The following SLC38A11 variants were observed in gnomAD, a reference collection of about 807,000 sequenced individuals.
SLC38A11 encodes the protein solute carrier family 38 member 11.
In SLC38A11, 51 loss-of-function variants were observed where a neutral mutation model predicts 49.4. That is an observed-to-expected ratio of 1.03 (90% CI 0.83 to 1.30). The LOEUF is 1.30. Among genes scored for constraint, SLC38A11 ranks in the 50% most tolerant of loss-of-function variants. The pLI, the probability that SLC38A11 is intolerant of heterozygous loss-of-function variation, is 0.00. For synonymous variants in SLC38A11, 203 were observed against 192.9 expected, an observed-to-expected ratio of 1.05 and a Z score of -0.43; for missense variants, 574 against 556.2, an observed-to-expected ratio of 1.03 and a Z score of -0.32.
chr2:164,903,868 A>G (rs999355577), intron 11 of SLC38A11, among the ~76,000 whole-genome samples: 3 of 152,190 alleles, frequency 2.0e-5, no homozygotes, highest in Admixed American at 6.6e-5. Context: ...GTACAGATTG[A>G]AAAAGTGCCT....
At chr2:164,922,319 T>C (rs1686260212) in intron 7 of SLC38A11, 1 of 152,136 alleles carries the variant, frequency 6.6e-6, no homozygotes, top group South Asian at 2.1e-4. Flanking sequence ...GTCAGACACA[T>C]CCGGGAGTTG....
intron 3 of SLC38A11, among the ~76,000 whole-genome samples, chr2:164,952,122 G>A (rs933271584): frequency 3.9e-5 from 6 of 152,152 alleles, no homozygotes; most frequent in Admixed American, 3.9e-4. Flanking sequence ...CATTTAAATG[G>A]GAGAGTGACA....
chr2:164,920,881 G>A (rs1686149097), intron 7 of SLC38A11, among the ~76,000 whole-genome samples: 1 of 152,132 alleles, frequency 6.6e-6, no homozygotes, highest in African/African-American at 2.4e-5. Context: ...TGGGATGGAT[G>A]TGTTCAGGAA....
chr2:164,947,314 C>G (rs1163030165), intron 3 of SLC38A11, among the ~76,000 whole-genome samples: 2 of 151,406 alleles, frequency 1.3e-5, no homozygotes, highest in African/African-American at 2.4e-5. Flanking sequence ...GTATTTTTAG[C>G]AGAGACGGGG....
At chr2:164,924,997 C>T (rs1432907102) in intron 7 of SLC38A11, among the ~76,000 whole-genome samples, 1 of 152,134 alleles carries the variant, frequency 6.6e-6, no homozygotes, top group Non-Finnish European at 1.5e-5. Flanking sequence ...CTGCCCGCCT[C>T]AGCCTCCCAA....
intron 11 of SLC38A11, among the ~76,000 whole-genome samples, chr2:164,903,937 A>C (rs1017896651): frequency 2.6e-5 from 4 of 152,184 alleles, no homozygotes; most frequent in Admixed American, 6.6e-5. Context: ...GAAACTAAAT[A>C]AAATAATGCT....
intron 10 of SLC38A11, 69 bp downstream of exon 10, chr2:164,911,567 T>C (rs1432707986): frequency 2.7e-6 from 2 of 739,392 alleles, no homozygotes; most frequent in Non-Finnish European, 4.2e-6. Context: ...GTATTATTTA[T>C]AAATCTTCCT....
chr2:164,925,443 C>T (rs1686504079), intron 7 of SLC38A11, among the ~76,000 whole-genome samples: 1 of 152,088 alleles, frequency 6.6e-6, no homozygotes, highest in African/African-American at 2.4e-5. Flanking sequence ...CACTAGGGTT[C>T]TACTTGGATT....
At chr2:164,916,234 A>G (rs1297865559) in intron 7 of SLC38A11, among the ~76,000 whole-genome samples, 3 of 152,096 alleles carry the variant, frequency 2.0e-5, no homozygotes, top group African/African-American at 7.2e-5. Context: ...AGACTATGTA[A>G]TTTTGTGAAT....
chr2:164,951,816 T>C (rs1315659571), intron 3 of SLC38A11, among the ~76,000 whole-genome samples: 1 of 151,992 alleles, frequency 6.6e-6, no homozygotes, highest in Non-Finnish European at 1.5e-5. Context: ...GCCCTGGAGC[T>C]CCAACTGTAC....
chr2:164,920,898 T>G (rs1372509762), intron 7 of SLC38A11, among the ~76,000 whole-genome samples: 2 of 151,770 alleles, frequency 1.3e-5, no homozygotes, highest in Non-Finnish European at 2.9e-5. Flanking sequence ...GGAAAAATAA[T>G]AAAATTATAG....
intron 2 of SLC38A11, among the ~76,000 whole-genome samples, chr2:164,953,825 C>G (rs894908323): frequency 1.3e-5 from 2 of 152,108 alleles, no homozygotes; most frequent in East Asian, 1.9e-4. Context: ...AAAAGTATTG[C>G]ATTTTGCAGG....
intron 2 of SLC38A11, among the ~76,000 whole-genome samples, chr2:164,953,895 T>C (rs1688681953): frequency 6.6e-6 from 1 of 152,116 alleles, no homozygotes; most frequent in Non-Finnish European, 1.5e-5. Flanking sequence ...AAAAGAATAA[T>C]AACCACTGAA....
chr2:164,943,663 T>C (rs1687927950), intron 5 of SLC38A11, among the ~76,000 whole-genome samples: 1 of 152,068 alleles, frequency 6.6e-6, no homozygotes, highest in South Asian at 2.1e-4. Context: ...TTGCATTATT[T>C]TTATTATTTT....
intron 5 of SLC38A11, among the ~76,000 whole-genome samples, chr2:164,939,811 G>A (rs554442952): frequency 6.6e-6 from 1 of 151,770 alleles, no homozygotes; most frequent in Non-Finnish European, 1.5e-5. Context: ...TATTTTACTA[G>A]CCTCCTTGAC....
intron 7 of SLC38A11, among the ~76,000 whole-genome samples, chr2:164,930,460 A>C (rs1411470811): frequency 1.3e-5 from 2 of 152,208 alleles, no homozygotes; most frequent in East Asian, 1.9e-4. Context: ...ACAAAAAAAA[A>C]ACTTCAGGCC....
At chr2:164,921,975 G>A (rs914235962) in intron 7 of SLC38A11, 6 of 152,176 alleles carry the variant, frequency 3.9e-5, no homozygotes, top group African/African-American at 1.2e-4. Flanking sequence ...GAGATGGAGA[G>A]CTTTGGGGAG....
intron 11 of SLC38A11, among the ~76,000 whole-genome samples, chr2:164,899,127 C>A (rs1178845900): frequency 6.6e-6 from 1 of 152,008 alleles, no homozygotes; most frequent in African/African-American, 2.4e-5. Context: ...CATGAATGGT[C>A]TATTTGTCAT....
At chr2:164,905,385 G>T (rs1008901687) in intron 11 of SLC38A11, among the ~76,000 whole-genome samples, 8 of 152,036 alleles carry the variant, frequency 5.3e-5, no homozygotes, top group Non-Finnish European at 7.4e-5. Flanking sequence ...GCCTGCTTTG[G>T]CTTCTCAAAG....
Sources: allele counts gnomAD v4.1 joint callset (sites outside exome capture counted in the v4.1 genomes callset), GRCh38; gene constraint gnomAD v4.1.1; transcripts MANE v1.5; gene names NCBI Gene and HGNC (gene_info 2026-07-23, HGNC 2026-07-21).